The following SLC35F1 variants were observed in gnomAD, a reference collection of about 807,000 sequenced individuals.
SLC35F1 encodes chromosome 6 open reading frame 169.
SLC35F1 carries 14 observed loss-of-function variants against 48.7 expected under a neutral mutation model. The ratio of observed to expected loss-of-function variants is 0.29; its 90% CI spans 0.19 to 0.45. SLC35F1 has a LOEUF of 0.45. SLC35F1 is among the 20% of genes least tolerant of loss of function. SLC35F1 has a pLI of 1.00. For synonymous variants in SLC35F1, 190 were observed against 202.2 expected (o/e 0.94, Z 0.51); for missense variants, 404 against 500.0 (o/e 0.81, Z 1.83).
intron 1 of SLC35F1, among the ~76,000 whole-genome samples, chr6:117,964,748 A>G (rs1460813027): frequency 6.6e-6 from 1 of 152,188 alleles, no homozygotes; most frequent in African/African-American, 2.4e-5. Flanking sequence ...TGTTACAGAA[A>G]CACCAGGGAT....
chr6:118,231,097 A>T (rs1775288157), intron 2 of SLC35F1, among the ~76,000 whole-genome samples: 1 of 152,214 alleles, frequency 6.6e-6, no homozygotes, highest in African/African-American at 2.4e-5. Flanking sequence ...TTTCATCTGT[A>T]AAATTTTCTT....
At chr6:118,183,844 A>C (rs1205904000) in intron 2 of SLC35F1, among the ~76,000 whole-genome samples, 6 of 152,146 alleles carry the variant, frequency 3.9e-5, no homozygotes, top group African/African-American at 1.4e-4. Context: ...AATCTTTTAC[A>C]GTTTCTTTTG....
chr6:118,239,322 T>C (rs1775406539), intron 3 of SLC35F1, among the ~76,000 whole-genome samples: 1 of 150,884 alleles, frequency 6.6e-6, no homozygotes, highest in Admixed American at 6.6e-5. Context: ...CTCCCAGTGG[T>C]CCTTTATCTA....
chr6:118,264,470 C>T (rs1036575527), intron 3 of SLC35F1, among the ~76,000 whole-genome samples: 1 of 152,202 alleles, frequency 6.6e-6, no homozygotes, highest in African/African-American at 2.4e-5. Context: ...AAAGTTTGCA[C>T]TTACCCACAG....
intron 1 of SLC35F1, among the ~76,000 whole-genome samples, chr6:118,034,085 T>G (rs1258616011): frequency 6.6e-6 from 1 of 152,190 alleles, no homozygotes. Flanking sequence ...AAAATGACTT[T>G]TTAGTACTTT....
At chr6:118,246,634 C>T (rs897417669) in intron 3 of SLC35F1, among the ~76,000 whole-genome samples, 5 of 152,056 alleles carry the variant, frequency 3.3e-5, no homozygotes, top group Non-Finnish European at 7.4e-5. Context: ...CAATGGTGCA[C>T]GTAGACAGGT....
At chr6:118,242,006 G>A (rs1208469949) in intron 3 of SLC35F1, among the ~76,000 whole-genome samples, 2 of 152,060 alleles carry the variant, frequency 1.3e-5, no homozygotes, top group Non-Finnish European at 2.9e-5. Flanking sequence ...CCACCTTTAG[G>A]CTTTTATAAG....
At chr6:117,934,896 C>T (rs1316036471) in intron 1 of SLC35F1, among the ~76,000 whole-genome samples, 1 of 148,312 alleles carries the variant, frequency 6.7e-6, no homozygotes, top group Non-Finnish European at 1.5e-5. Context: ...CATCTGAGGT[C>T]AGGAGTTCGA....
intron 7 of SLC35F1, among the ~76,000 whole-genome samples, chr6:118,291,181 G>A (rs538292410): frequency 6.6e-6 from 1 of 151,422 alleles, no homozygotes; most frequent in East Asian, 2.0e-4. Flanking sequence ...GGTAAATTTT[G>A]TAACATTCAA....
intron 1 of SLC35F1, among the ~76,000 whole-genome samples, chr6:118,012,326 G>A (rs4946317): frequency 0.39 from 53,684 of 137,196 alleles, 10,669 homozygotes; most frequent in East Asian, 0.53. Flanking sequence ...AATAAATGGG[G>A]AAAAAAAAAA....
At chr6:117,949,311 A>G (rs533573829) in intron 1 of SLC35F1, among the ~76,000 whole-genome samples, 2 of 152,312 alleles carry the variant, frequency 1.3e-5, no homozygotes, top group South Asian at 4.1e-4. Context: ...TAGTCTTAAC[A>G]TGCTTCTCCA....
At chr6:118,302,968 AC>A (rs1776271318) in intron 7 of SLC35F1, among the ~76,000 whole-genome samples, 1 of 126,232 alleles carries the variant, frequency 7.9e-6, no homozygotes, top group Admixed American at 7.8e-5. Flanking sequence ...CAGGAAACAA[AC>A]AGCTTATTTA....
chr6:118,121,146 G>C (rs977837379), intron 1 of SLC35F1, among the ~76,000 whole-genome samples: 12 of 152,144 alleles, frequency 7.9e-5, no homozygotes, highest in Admixed American at 7.9e-4. Context: ...CTTAGCATCT[G>C]TTTCTTGTAT....
chr6:117,907,681 C>T lies in SLC35F1; in HGVS notation c.-46C>T. 5 of 1,239,164 alleles carry T rather than the reference C, an allele frequency of 4.0e-6. No individual in the cohort carries two copies. Among genetic ancestry groups the T allele is most frequent in the Non-Finnish European group, 5.5e-6 (5 of 907,484 alleles). 76.8% of individuals were successfully genotyped at this position (1,239,164 alleles called of 1,614,324 possible). On this transcript the variant is annotated 5_prime_UTR_variant, in exon 1 of 8. Transcript: ENST00000360388. ...CCGGGCCCGGAACCGGCACACGATG[C>T]ACCCGGCTGCGTTCTGATCGCCGCC...
intron 1 of SLC35F1, among the ~76,000 whole-genome samples, chr6:117,919,997 A>G (rs933722788): frequency 3.9e-5 from 6 of 152,220 alleles, no homozygotes; most frequent in Admixed American, 3.3e-4. Context: ...AGAGCGGCTC[A>G]GAGGGAAGGG....
intron 2 of SLC35F1, among the ~76,000 whole-genome samples, 153 bp from the exon 3 acceptor site, chr6:118,235,354 CAT>C (rs762311554): frequency 4.6e-5 from 7 of 151,964 alleles, no homozygotes; most frequent in Admixed American, 1.3e-4. Context: ...TAAATAAAAA[CAT>C]GTGGGTATCT....
In SLC35F1 at chr6:118,228,318, T is replaced by TTTGGGA. The variant is rs11269647; in HGVS notation, c.350-7189_350-7188insGGGATT. On this transcript the variant is annotated intron_variant, in intron 2 of 7. Transcript: ENST00000360388. ...TCACTTTTCATACTAAATGGAATAGTTTTAAACTCTAAATCCTAATACTAT... is the reference window on the plus strand; with the variant it reads ...TCACTTTTCATACTAAATGGAATAGTTTGGGATTTAAACTCTAAATCCTAATACTAT... 2.6e-5 allele frequency among the ~76,000 whole-genome samples: 4 copies of TTTGGGA among 152,190 alleles called. No homozygotes were observed. In the East Asian group the frequency reaches 7.7e-4, roughly 29 times the overall value.
At chr6:118,284,371 T>A (rs1447058791) in intron 6 of SLC35F1, among the ~76,000 whole-genome samples, 1 of 152,190 alleles carries the variant, frequency 6.6e-6, no homozygotes, top group Non-Finnish European at 1.5e-5. Context: ...ACATTTGCAT[T>A]GTATCAACAT....
intron 1 of SLC35F1, among the ~76,000 whole-genome samples, chr6:117,972,402 G>A (rs1259245187): frequency 1.3e-5 from 2 of 152,150 alleles, no homozygotes; most frequent in African/African-American, 2.4e-5. Context: ...CATTTCCAAA[G>A]TTACTTCTGC....
Sources: allele counts gnomAD v4.1 joint callset (sites outside exome capture counted in the v4.1 genomes callset), GRCh38; gene constraint gnomAD v4.1.1; transcripts MANE v1.5; gene names NCBI Gene and HGNC (gene_info 2026-07-23, HGNC 2026-07-21).